Variants in SDK1 observed in about 807,000 individuals in gnomAD.
SDK1 encodes protein sidekick-1.
A neutral mutation model predicts 245.5 loss-of-function variants in SDK1; 157 were observed. The observed-to-expected ratio is 0.64, with a 90% CI of 0.56 to 0.73. SDK1 has a LOEUF of 0.73. SDK1 is among the 30% of genes least tolerant of loss of function. The probability of loss-of-function intolerance (pLI) is 0.00; values close to 1 mark genes in which losing one functional copy is unlikely to be tolerated. For missense variants in SDK1, 3,583 were observed against 3,002.3 expected, an observed-to-expected ratio of 1.19 and a Z score of -4.52; for synonymous variants, 1,647 against 1,278.5, an observed-to-expected ratio of 1.29 and a Z score of -6.15.
chr7:3,969,175 C>A, intron 10 of SDK1, 82 bp from the exon 11 acceptor site: 1 of 1,283,242 alleles, frequency 7.8e-7, no homozygotes, highest in Non-Finnish European at 1.1e-6. Context: ...AACCATATTA[C>A]TTGCTTATGG....
intron 4 of SDK1, among the ~76,000 whole-genome samples, chr7:3,689,287 A>G (rs1391623854): frequency 6.6e-6 from 1 of 152,186 alleles, no homozygotes. Flanking sequence ...CAAAGATGTC[A>G]GCCCGAGCCA....
At chr7:4,182,843 G>A (rs987532921) in intron 35 of SDK1, among the ~76,000 whole-genome samples, 1 of 152,188 alleles carries the variant, frequency 6.6e-6, no homozygotes, top group African/African-American at 2.4e-5. Context: ...AGTGCCAGGA[G>A]CCGGGGTTCA....
intron 21 of SDK1, among the ~76,000 whole-genome samples, chr7:4,077,667 A>C (rs1046939173): frequency 6.6e-6 from 1 of 152,176 alleles, no homozygotes; most frequent in Non-Finnish European, 1.5e-5. Context: ...CATGTATTAC[A>C]TGGATGGCAG....
chr7:3,681,472 A>G (rs1286200544), intron 4 of SDK1, among the ~76,000 whole-genome samples: 2 of 152,188 alleles, frequency 1.3e-5, no homozygotes, highest in African/African-American at 4.8e-5. Flanking sequence ...TTACCTCAGA[A>G]TGGAATTACT....
In SDK1 at chr7:3,494,461, G is replaced by T. The variant is rs371371543; in HGVS notation, c.299-124619G>T. Among the ~76,000 whole-genome samples the T allele has an allele frequency of 3.3e-5, 5 of 152,262 alleles. No individual in the cohort carries two copies. In the East Asian group the frequency reaches 9.6e-4, roughly 29 times the overall value. On this transcript the variant is annotated intron_variant, in intron 1 of 44. Transcript: ENST00000404826. ...GGTATCAACATTATGGGAAGACAGT[G>T]TTAGAAATTACAGATTTGTGAAAGA... is the stretch of plus-strand genomic sequence containing the variant.
intron 14 of SDK1, among the ~76,000 whole-genome samples, chr7:4,006,250 C>G (rs571987108): frequency 6.6e-6 from 1 of 152,184 alleles, no homozygotes; most frequent in Non-Finnish European, 1.5e-5. Flanking sequence ...CCTCGTGATT[C>G]TCGGCCTTAC....
intron 1 of SDK1, among the ~76,000 whole-genome samples, chr7:3,576,764 G>A (rs1256320531): frequency 6.6e-6 from 1 of 151,998 alleles, no homozygotes; most frequent in Non-Finnish European, 1.5e-5. Flanking sequence ...AGAAACAGGA[G>A]CTTCAGCATT....
intron 4 of SDK1, among the ~76,000 whole-genome samples, chr7:3,800,370 C>CTTATTTATTTATTTAT (rs923376278): frequency 4.7e-4 from 70 of 148,990 alleles, no homozygotes; most frequent in African/African-American, 1.3e-3. Context: ...TACTTACTTA[C>CTTATTTATTTATTTAT]TTATTTATTT....
At chr7:3,635,285 A>G (rs1489835100) in intron 2 of SDK1, among the ~76,000 whole-genome samples, 1 of 152,226 alleles carries the variant, frequency 6.6e-6, no homozygotes, top group Admixed American at 6.5e-5. Flanking sequence ...TTCTCTTTAT[A>G]AAAGATTTTA....
At chr7:3,374,096 C>G (rs531856733) in intron 1 of SDK1, among the ~76,000 whole-genome samples, 1 of 152,078 alleles carries the variant, frequency 6.6e-6, no homozygotes, top group African/African-American at 2.4e-5. Context: ...ACTTGACACT[C>G]TGATATCCAC....
chr7:3,887,942 A>G (rs534785648), intron 5 of SDK1, among the ~76,000 whole-genome samples: 2 of 152,194 alleles, frequency 1.3e-5, no homozygotes, highest in Non-Finnish European at 2.9e-5. Flanking sequence ...GTTGTCTTGT[A>G]TTTCTTTTGT....
intron 8 of SDK1, among the ~76,000 whole-genome samples, chr7:3,961,698 T>C (rs1781694065): frequency 6.6e-6 from 1 of 152,192 alleles, no homozygotes. Context: ...GCCCATGATA[T>C]CCAACCCCTT....
At chr7:3,730,233 C>T (rs1224425452) in intron 4 of SDK1, among the ~76,000 whole-genome samples, 6 of 152,110 alleles carry the variant, frequency 3.9e-5, no homozygotes, top group Non-Finnish European at 7.4e-5. Flanking sequence ...GCATCTCAGC[C>T]TCACATACAG....
At chr7:4,107,394 C>A (rs899241401) in intron 22 of SDK1, among the ~76,000 whole-genome samples, 1 of 152,162 alleles carries the variant, frequency 6.6e-6, no homozygotes, top group African/African-American at 2.4e-5. Flanking sequence ...TGCGCCCTGA[C>A]TGCTGGCTCT....
intron 30 of SDK1, among the ~76,000 whole-genome samples, chr7:4,158,037 C>T (rs1003357333): frequency 6.6e-6 from 1 of 152,166 alleles, no homozygotes; most frequent in Non-Finnish European, 1.5e-5. Flanking sequence ...CTCTGGATCC[C>T]TTGGAGAGCA....
chr7:3,452,382 T>A (rs571013456), intron 1 of SDK1, among the ~76,000 whole-genome samples: 4 of 152,324 alleles, frequency 2.6e-5, no homozygotes, highest in Admixed American at 2.6e-4. Context: ...GTGAGTGATG[T>A]ACCCTTCCAT....
chr7:3,381,845 G>T (rs985085127), intron 1 of SDK1, among the ~76,000 whole-genome samples: 1 of 152,208 alleles, frequency 6.6e-6, no homozygotes, highest in African/African-American at 2.4e-5. Context: ...ATTAAGGTCA[G>T]TGTATGTCTG....
intron 1 of SDK1, among the ~76,000 whole-genome samples, chr7:3,605,833 C>G (rs1322308404): frequency 6.6e-6 from 1 of 151,734 alleles, no homozygotes; most frequent in African/African-American, 2.4e-5. Context: ...ATTTTAACTT[C>G]TGATCAAATT....
chr7:3,892,915 A>G (rs1781497588), intron 5 of SDK1, among the ~76,000 whole-genome samples: 1 of 152,114 alleles, frequency 6.6e-6, no homozygotes, highest in Non-Finnish European at 1.5e-5. Context: ...GTTGCTTTCG[A>G]GGATGCCGTT....
Sources: gnomAD v4.1 joint callset for allele counts (sites outside exome capture counted in the v4.1 genomes callset) on GRCh38, gnomAD v4.1.1 for gene constraint, MANE v1.5 for transcripts, NCBI Gene and HGNC (gene_info 2026-07-23, HGNC 2026-07-21) for gene names.